UBQLN1: variants seen among roughly 807,000 people sequenced by gnomAD.
UBQLN1 encodes the protein ubiquilin 1, also known as ubiquilin-1.
Under a neutral mutation model 65.4 loss-of-function variants are expected in UBQLN1, and 13 were observed. That is an observed-to-expected ratio of 0.20 (90% CI 0.13 to 0.32). UBQLN1 has a LOEUF of 0.32. UBQLN1 is among the 10% of genes least tolerant of loss of function. The pLI, the probability that UBQLN1 is intolerant of heterozygous loss-of-function variation, is 1.00. For synonymous variants in UBQLN1, 267 were observed against 247.8 expected (o/e 1.08, Z -0.73); for missense variants, 561 against 724.0 (o/e 0.77, Z 2.58).
At chr9:83,673,546 T>TAAAAAAAAAAAAAA (rs762494390) in intron 6 of UBQLN1, among the ~76,000 whole-genome samples, 3 of 75,570 alleles carry the variant, frequency 4.0e-5, no homozygotes, top group South Asian at 4.7e-4. Flanking sequence ...CTCGGTCTTT[T>TAAAAAAAAAAAAAA]AAAAAAAAAA....
In UBQLN1 at chr9:83,677,811, T is replaced by C. The variant is rs201071675; in HGVS notation, c.1021A>G (p.Thr341Ala). Residue 341 changes from threonine (T) to alanine (A), a missense_variant, in exon 6 of 11, where the codon ACT becomes GCT. By Grantham distance (58) the Thr-to-Ala change is moderately conservative. This residue lies in a region of UBQLN1 where 89 missense variants were observed against 77.8 expected (regional missense o/e 1.14). Transcript: ENST00000376395. ...GTACTACCAGTAGTGCCACCCACAG[T>C]GCTGGCAGTGCCGCTGGAAGCTGAT... is the stretch of plus-strand genomic sequence containing the variant. ...SSSASSGTAS[T>A]VGGTTGSTAS... 1.4e-5 allele frequency: 22 copies of C among 1,614,164 alleles called. 1 individual carries two copies. Among genetic ancestry groups the C allele is most frequent in the South Asian group, 1.2e-4 (11 of 91,086 alleles).
intron 9 of UBQLN1, among the ~76,000 whole-genome samples, chr9:83,664,580 G>A (rs957323386): frequency 2.0e-5 from 3 of 151,650 alleles, no homozygotes; most frequent in Non-Finnish European, 4.4e-5. Flanking sequence ...AGCAAAAACC[G>A]ATCTCTTAAT....
In UBQLN1 at chr9:83,660,835, T is replaced by C. The variant is rs1831551887; in HGVS notation, c.*952A>G. ...TAAACCCAAAAGATAGTTCTATTTT[T>C]TTATGGCGATTAAAAATAACTGAAA... On this transcript the variant is annotated 3_prime_UTR_variant, in exon 11 of 11. Coordinates refer to ENST00000376395, the MANE Select transcript of UBQLN1 (RefSeq NM_013438.5). 6.6e-6 allele frequency: 1 copy of C among 152,648 alleles called. No individual in the cohort carries two copies. Among genetic ancestry groups the C allele is most frequent in the South Asian group, 2.1e-4 (1 of 4,834 alleles). The allele number at this position is 152,648 out of a possible 1,614,324, so 9.5% of individuals were successfully genotyped here. A position where few individuals can be genotyped will look rare whatever the true frequency, so the allele number is the denominator to read the frequency against.
intron 1 of UBQLN1, among the ~76,000 whole-genome samples, chr9:83,706,542 G>C (rs1381337702): frequency 1.3e-5 from 2 of 152,094 alleles, no homozygotes; most frequent in African/African-American, 4.8e-5. Context: ...TACATTTCAG[G>C]AATTGTTGTT....
At chr9:83,679,400 C>A (rs1467184292) in intron 4 of UBQLN1, among the ~76,000 whole-genome samples, 2 of 152,118 alleles carry the variant, frequency 1.3e-5, no homozygotes, top group African/African-American at 4.8e-5. Flanking sequence ...AAAGTTGTTG[C>A]AATTTTGTAT....
intron 1 of UBQLN1, among the ~76,000 whole-genome samples, chr9:83,686,918 C>CA (rs1053617640): frequency 1.4e-5 from 2 of 146,410 alleles, no homozygotes; most frequent in East Asian, 2.0e-4. Flanking sequence ...TCCAAAAAAA[C>CA]AAAAAAAGAA....
chr9:83,668,378 G>A (rs1831676505), intron 7 of UBQLN1: 21 of 985,324 alleles, frequency 2.1e-5, no homozygotes, highest in Non-Finnish European at 2.5e-5. Context: ...CACTACAGAA[G>A]CCATTTTTAA....
intron 7 of UBQLN1, chr9:83,667,645 A>G: frequency 1.0e-6 from 1 of 985,406 alleles, no homozygotes; most frequent in Non-Finnish European, 1.2e-6. Context: ...AGGTTATCAC[A>G]CATATCTTTT....
intron 1 of UBQLN1, among the ~76,000 whole-genome samples, chr9:83,706,619 G>A (rs959939487): frequency 6.6e-6 from 1 of 152,116 alleles, no homozygotes; most frequent in Non-Finnish European, 1.5e-5. Context: ...TGGAAAACAC[G>A]ACGTATTCAA....
Position 83,660,218 on chromosome 9 carries a change from A to T in UBQLN1, c.*1569T>A, listed in dbSNP as rs1417135258. On this transcript the variant is annotated 3_prime_UTR_variant, in exon 11 of 11. Coordinates refer to ENST00000376395, the MANE Select transcript of UBQLN1 (RefSeq NM_013438.5). ...AGAACAGTGCAAGGACTGGTGGGTA[A>T]CCTGGCCTCTTAACCTTTTTAATAG... The T allele has an allele frequency of 1.3e-5, 2 of 152,634 alleles. No individual in the cohort carries two copies. Among genetic ancestry groups the T allele is most frequent in the African/African-American group, 4.8e-5 (2 of 41,458 alleles). 9.5% of individuals were successfully genotyped at this position (152,634 alleles called of 1,614,324 possible). A position where few individuals can be genotyped will look rare whatever the true frequency, so the allele number is the denominator to read the frequency against.
intron 1 of UBQLN1, among the ~76,000 whole-genome samples, chr9:83,694,732 C>G (rs928991832): frequency 6.6e-6 from 1 of 152,252 alleles, no homozygotes; most frequent in Non-Finnish European, 1.5e-5. Flanking sequence ...CACCGGTGAA[C>G]AAAAGGCTGT....
At chr9:83,684,679 C>G (rs368967836) in intron 2 of UBQLN1, among the ~76,000 whole-genome samples, 1 of 151,914 alleles carries the variant, frequency 6.6e-6, no homozygotes, top group Non-Finnish European at 1.5e-5. Flanking sequence ...GGCGTGGTGG[C>G]GCATGCCTGT....
At chr9:83,664,562 G>A (rs1831612086) in intron 9 of UBQLN1, among the ~76,000 whole-genome samples, 2 of 151,444 alleles carry the variant, frequency 1.3e-5, no homozygotes, top group African/African-American at 4.9e-5. Context: ...GTTCAGCCAG[G>A]GTAAAAGAGC....
rs752865500 is a variant in UBQLN1, at chr9:83,665,031, C to T, written c.1447G>A (p.Gly483Arg). 1.2e-6 allele frequency: 2 copies of T among 1,608,738 alleles called. No individual in the cohort carries two copies. Among genetic ancestry groups the T allele is most frequent in the Admixed American group, 1.7e-5 (1 of 59,138 alleles). ...ATTATCTTCCCCAAATAAGCCTACC[C>T]TGGGATGAGGCCCGGGGCTTCCGTT... The part of the protein sequence containing the change: ...LATEAPGLIP[G>R]FTPGLGALGS... The change falls in exon 9 of 11, where the codon GGG becomes AGG. Residue 483 changes from glycine to arginine, a missense_variant and splice_region_variant. Gly to Arg is a moderately radical substitution (Grantham distance 125, BLOSUM62 -2). This residue lies in a region of UBQLN1 where 102 missense variants were observed against 150.7 expected (regional missense o/e 0.68). Transcript: ENST00000376395.
intron 1 of UBQLN1, among the ~76,000 whole-genome samples, chr9:83,693,206 C>T (rs1390534620): frequency 1.3e-5 from 2 of 151,674 alleles, no homozygotes; most frequent in Non-Finnish European, 2.9e-5. Flanking sequence ...TCAAAATGAA[C>T]CCAGCACAGA....
chr9:83,707,276 C>G (rs1439588834), intron 1 of UBQLN1, among the ~76,000 whole-genome samples: 1 of 152,160 alleles, frequency 6.6e-6, no homozygotes, highest in Non-Finnish European at 1.5e-5. Flanking sequence ...CCGAGAAAAG[C>G]GGCATCAGCC....
intron 1 of UBQLN1, among the ~76,000 whole-genome samples, chr9:83,688,773 A>C (rs1832080552): frequency 6.6e-6 from 1 of 151,792 alleles, no homozygotes; most frequent in Non-Finnish European, 1.5e-5. Context: ...AGGCAGGAGA[A>C]TTGCTTGAAC....
chr9:83,702,016 A>G (rs1284966033), intron 1 of UBQLN1, among the ~76,000 whole-genome samples: 1 of 152,230 alleles, frequency 6.6e-6, no homozygotes. Context: ...ATGCTTCAAC[A>G]GGGATGAACC....
intron 1 of UBQLN1, among the ~76,000 whole-genome samples, chr9:83,689,552 T>C (rs898221426): frequency 5.9e-5 from 9 of 152,188 alleles, no homozygotes; most frequent in Non-Finnish European, 1.0e-4. Context: ...TGCTGGGCCA[T>C]AAAGAAAGTC....
Sources: allele counts gnomAD v4.1 joint callset (sites outside exome capture counted in the v4.1 genomes callset), GRCh38; gene constraint gnomAD v4.1.1; regional missense constraint gnomAD v4.1.1; transcripts MANE v1.5; gene names NCBI Gene and HGNC (gene_info 2026-07-23, HGNC 2026-07-21).